Variants in RBFOX1 observed in about 807,000 individuals in gnomAD.
The protein encoded by RBFOX1 is RNA binding fox-1 homolog 1.
In RBFOX1, 8 loss-of-function variants were observed where a neutral mutation model predicts 57.7. That is an observed-to-expected ratio of 0.14 (90% CI 0.08 to 0.25). The LOEUF is 0.25. RBFOX1 is among the 10% of genes least tolerant of loss of function. RBFOX1 has a pLI of 1.00. For missense variants in RBFOX1, 611 were observed against 548.5 expected, an observed-to-expected ratio of 1.11 and a Z score of -1.14; for synonymous variants, 326 against 222.4, an observed-to-expected ratio of 1.47 and a Z score of -4.15.
At chr16:6,540,153 T>C (rs904586560) in intron 2 of RBFOX1, among the ~76,000 whole-genome samples, 3 of 152,136 alleles carry the variant, frequency 2.0e-5, no homozygotes, top group African/African-American at 7.2e-5. Context: ...TGTATGTGGC[T>C]TGGGGAATCC....
rs1371966268 is a variant in RBFOX1 at position 6,019,530 on chromosome 16, C to T, written c.-589C>T. On this transcript the variant is annotated 5_prime_UTR_variant, in exon 1 of 16. Transcript: ENST00000550418. This position sits in a 1 kb window ranked among gnomAD's most constrained non-coding sequence, Gnocchi z 4.2. ...CCCGCGGTGGGGCGGGGGCGCTCTG[C>T]CAGCCCCGGGAACAGCAGAGGCGGC... 2 of 1,072,460 alleles carry T rather than the reference C, an allele frequency of 1.9e-6. No individual in the cohort carries two copies. The highest frequency in any genetic ancestry group is 2.3e-6 in the Non-Finnish European group (2 of 886,424). 66.4% of individuals were successfully genotyped at this position (1,072,460 alleles called of 1,614,324 possible). A position where few individuals can be genotyped will look rare whatever the true frequency, so the allele number is the denominator to read the frequency against.
intron 3 of RBFOX1, among the ~76,000 whole-genome samples, chr16:6,995,579 C>A (rs564174408): frequency 5.3e-5 from 8 of 152,076 alleles, no homozygotes; most frequent in African/African-American, 1.4e-4. Flanking sequence ...GGGCAACACA[C>A]TGAAACCTTG....
intron 1 of RBFOX1, among the ~76,000 whole-genome samples, chr16:6,162,288 G>T (rs2096885366): frequency 6.6e-6 from 1 of 152,070 alleles, no homozygotes; most frequent in Non-Finnish European, 1.5e-5. Flanking sequence ...TGTAATTCTT[G>T]TATTTTTAGT....
intron 4 of RBFOX1, among the ~76,000 whole-genome samples, chr16:7,265,959 TTTTTG>T (rs562241818): frequency 0.031 from 2,746 of 87,922 alleles, 495 homozygotes; most frequent in African/African-American, 0.17. Context: ...ATCTGGTGGG[TTTTTG>T]TTTTTTTTTT....
intron 3 of RBFOX1, among the ~76,000 whole-genome samples, chr16:6,719,786 T>G (rs941930314): frequency 1.3e-5 from 2 of 152,074 alleles, no homozygotes; most frequent in Admixed American, 6.6e-5. Flanking sequence ...TTCTGGTTAT[T>G]GTGCATATTA....
intron 2 of RBFOX1, among the ~76,000 whole-genome samples, chr16:6,640,839 C>T (rs370500164): frequency 6.6e-6 from 1 of 152,066 alleles, no homozygotes; most frequent in Non-Finnish European, 1.5e-5. Context: ...CTGTCATGTT[C>T]TAGCCCCATC....
intron 3 of RBFOX1, among the ~76,000 whole-genome samples, chr16:6,778,690 T>C (rs991374052): frequency 1.3e-5 from 2 of 152,080 alleles, no homozygotes; most frequent in African/African-American, 2.4e-5. Flanking sequence ...CTCTCTTTTT[T>C]CTTAGAATTC....
intron 1 of RBFOX1, among the ~76,000 whole-genome samples, chr16:6,268,484 A>T (rs144448403): frequency 3.9e-4 from 59 of 152,338 alleles, no homozygotes; most frequent in African/African-American, 1.4e-3. Context: ...TACGCAATCC[A>T]GCATAGACCT....
At chr16:7,163,426 C>G (rs2152401347) in intron 4 of RBFOX1, among the ~76,000 whole-genome samples, 1 of 152,198 alleles carries the variant, frequency 6.6e-6, no homozygotes, top group East Asian at 1.9e-4. Context: ...AGCGGCTGGT[C>G]TGGTGACGTT....
At chr16:7,007,019 G>A (rs371037994) in intron 3 of RBFOX1, among the ~76,000 whole-genome samples, 13 of 152,106 alleles carry the variant, frequency 8.5e-5, no homozygotes, top group Admixed American at 4.6e-4. Context: ...ATGATCTCAC[G>A]GTTCTATAGG....
At chr16:6,930,175 C>G (rs1016642588) in intron 3 of RBFOX1, among the ~76,000 whole-genome samples, 1 of 152,166 alleles carries the variant, frequency 6.6e-6, no homozygotes, top group Non-Finnish European at 1.5e-5. Context: ...ATTATCCCAT[C>G]TTTGATAAGG....
chr16:5,676,692 C>A lies in RBFOX1; in HGVS notation c.318+77731C>A, dbSNP rs546898355. On this transcript the variant is annotated intron_variant, in intron 3 of 19. Transcript: ENST00000641259. ...CCTGGCCAATGTGACAAAACCTCAT[C>A]TCTACTAAAAATACAAAAAACTAGC... Among the ~76,000 whole-genome samples, 5 of 152,290 alleles carry A rather than the reference C, an allele frequency of 3.3e-5. No individual in the cohort carries two copies. The South Asian group carries it at 1.0e-3, about 32-fold the overall frequency.
At chr16:6,924,022 T>A (rs1463096799) in intron 3 of RBFOX1, among the ~76,000 whole-genome samples, 1 of 151,468 alleles carries the variant, frequency 6.6e-6, no homozygotes, top group Non-Finnish European at 1.5e-5. Flanking sequence ...ATACAAACAT[T>A]AGTCAGGTAT....
intron 2 of RBFOX1, among the ~76,000 whole-genome samples, chr16:6,508,326 C>T (rs759157114): frequency 1.3e-5 from 2 of 152,020 alleles, no homozygotes; most frequent in Non-Finnish European, 2.9e-5. Flanking sequence ...CACAAGTTAC[C>T]TATGTAACAA....
At chr16:7,250,075 C>T (rs1190300773) in intron 4 of RBFOX1, among the ~76,000 whole-genome samples, 1 of 151,922 alleles carries the variant, frequency 6.6e-6, no homozygotes, top group Non-Finnish European at 1.5e-5. Flanking sequence ...CCCTTTTTTT[C>T]CCATAGGGTT....
intron 3 of RBFOX1, among the ~76,000 whole-genome samples, chr16:5,751,610 G>C (rs191963172): frequency 6.6e-6 from 1 of 152,168 alleles, no homozygotes; most frequent in South Asian, 2.1e-4. Context: ...CACAGATACT[G>C]GAGAGCAGAA....
chr16:5,360,943 G>T (rs557698860), intron 1 of RBFOX1, among the ~76,000 whole-genome samples: 4 of 152,102 alleles, frequency 2.6e-5, no homozygotes, highest in Admixed American at 2.6e-4. Context: ...CAGTGCCCAC[G>T]GCTTCTGCGG....
chr16:6,435,324 A>C (rs2094204501), intron 2 of RBFOX1, among the ~76,000 whole-genome samples: 1 of 104,474 alleles, frequency 9.6e-6, no homozygotes, highest in South Asian at 2.8e-4. Flanking sequence ...TTTTTGAGAC[A>C]GTGTCTCATT....
chr16:5,940,567 A>G (rs1472752835), intron 4 of RBFOX1, among the ~76,000 whole-genome samples: 1 of 152,164 alleles, frequency 6.6e-6, no homozygotes. Flanking sequence ...GCTTTGGGAA[A>G]TTATAATTCT....
Sources: allele counts gnomAD v4.1 joint callset (sites outside exome capture counted in the v4.1 genomes callset), GRCh38; gene constraint gnomAD v4.1.1; non-coding constraint Gnocchi (gnomAD v3.1); transcripts MANE v1.5; gene names NCBI Gene and HGNC (gene_info 2026-07-23, HGNC 2026-07-21).